PRAMEF12: variants seen among roughly 807,000 people sequenced by gnomAD.
PRAMEF12 encodes PRAME family member 12.
Under a neutral mutation model 24.6 loss-of-function variants are expected in PRAMEF12, and 24 were observed. The observed-to-expected ratio is 0.98, with a 90% confidence interval of 0.71 to 1.37. The LOEUF (loss-of-function observed/expected upper bound fraction) is 1.37. PRAMEF12 is among the 40% of genes most tolerant of loss of function. PRAMEF12 has a pLI of 0.00. For missense variants in PRAMEF12, 646 were observed against 580.3 expected (o/e 1.11, Z -1.16); for synonymous variants, 286 against 242.6 (o/e 1.18, Z -1.66).
At chr1:12,776,255 G>T in intron 2 of PRAMEF12, 137 bp downstream of exon 2, 1 of 913,668 alleles carries the variant, frequency 1.1e-6, no homozygotes. Flanking sequence ...TCCATGCATT[G>T]TCCTGTTGGC....
In PRAMEF12 at chr1:12,774,919, C is replaced by T. The variant is rs773481201; in HGVS notation, c.52C>T (p.Leu18=). 6.2e-7 allele frequency: 1 copy of T among 1,613,948 alleles called. No homozygotes were observed. The highest frequency in any genetic ancestry group is 1.7e-5 in the Admixed American group (1 of 60,020). The change falls in exon 1 of 3, where the codon CTG becomes TTG. Residue 18 remains leucine (L), a synonymous_variant. Transcript: ENST00000357726. ...RLLELAEQSL[L]RDRALAIPTL... is the part of the protein sequence containing the mutation. The stretch of plus-strand genomic sequence containing the variant: ...CCTGGAGCTGGCTGAGCAGAGTCTG[C>T]TGAGAGACCGGGCCTTGGCCATCCC...
chr1:12,777,670 C>A lies in PRAMEF12; in HGVS notation c.*71C>A, dbSNP rs61617625. ...TATGTCAAAGGGAGCACAGACCCAT[C>A]GTTTCATATGCCTGCTCAATGTGAA... On this transcript the variant is annotated 3_prime_UTR_variant, in exon 3 of 3. Coordinates refer to ENST00000357726, the MANE Select transcript of PRAMEF12 (RefSeq NM_001080830.5). The A allele has an allele frequency of 6.5e-6, 10 of 1,533,616 alleles. No homozygotes were observed. In the African/African-American group the frequency reaches 9.6e-5, roughly 15 times the overall value.
Position 12,774,917 on chromosome 1 carries a change from T to C in PRAMEF12, c.50T>C (p.Leu17Pro), listed in dbSNP as rs748229744. The C allele has an allele frequency of 3.7e-6, 6 of 1,613,834 alleles. No individual in the cohort carries two copies. The highest frequency in any genetic ancestry group is 3.3e-5 in the Admixed American group (2 of 59,988). The change falls in exon 1 of 3, where the codon CTG (leucine) becomes CCG (proline). Residue 17 changes from leucine to proline, a missense_variant. Transcript: ENST00000357726. ...PRLLELAEQS[L>P]LRDRALAIPT... ...CTCCTGGAGCTGGCTGAGCAGAGTC[T>C]GCTGAGAGACCGGGCCTTGGCCATC... is the stretch of plus-strand genomic sequence containing the variant.
At position 12,775,086 on chromosome 1, in the gene PRAMEF12, T is replaced by C; in HGVS notation, c.219T>C (p.Cys73=). ...CLPLGSLMKS[C]NLEIFRAVLE... ...CTCTAGGGTCCCTGATGAAGTCATGTAATCTAGAGATCTTTCGAGCTGTGC... is the reference window on the plus strand; with the variant it reads ...CTCTAGGGTCCCTGATGAAGTCATGCAATCTAGAGATCTTTCGAGCTGTGC... Residue 73 remains cysteine (C), a synonymous_variant, in exon 1 of 3, where the codon TGT becomes TGC. Coordinates refer to ENST00000357726, the MANE Select transcript of PRAMEF12 (RefSeq NM_001080830.5). The C allele has an allele frequency of 1.9e-6, 3 of 1,614,190 alleles. No homozygotes were observed. The highest frequency in any genetic ancestry group is 2.5e-6 in the Non-Finnish European group (3 of 1,180,002).
In PRAMEF12 at chr1:12,775,565, G is replaced by A; in HGVS notation, c.310G>A (p.Asp104Asn). Residue 104 changes from aspartate to asparagine, a missense_variant, in exon 2 of 3, where the codon GAC (aspartate) becomes AAC (asparagine). Coordinates refer to ENST00000357726, the MANE Select transcript of PRAMEF12 (RefSeq NM_001080830.5). ...RPRRWKLQVL[D>N]LRNVDENFWG... Reference sequence around the variant, plus strand: ...CAGGCGGTGGAAACTTCAAGTGTTGGACTTGCGGAATGTGGATGAGAACTT... The same window carrying A: ...CAGGCGGTGGAAACTTCAAGTGTTGAACTTGCGGAATGTGGATGAGAACTT... 21 of 1,611,930 alleles carry A rather than the reference G, an allele frequency of 1.3e-5. No homozygotes were observed. The highest frequency in any genetic ancestry group is 1.8e-5 in the Non-Finnish European group (21 of 1,178,554).
In PRAMEF12 at chr1:12,777,399, T is replaced by G; in HGVS notation, c.1252T>G (p.Tyr418Asp). 1 of 1,613,880 alleles carries G rather than the reference T, an allele frequency of 6.2e-7. No individual in the cohort carries two copies. Among genetic ancestry groups the G allele is most frequent in the Non-Finnish European group, 8.5e-7 (1 of 1,179,866 alleles). Reference sequence around the variant, plus strand: ...GCTGTATCCTGCCCCTCTGGAGAGTTATGATGCCCAGGGTGCTCTCTGCTG... The same window carrying G: ...GCTGTATCCTGCCCCTCTGGAGAGTGATGATGCCCAGGGTGCTCTCTGCTG... ...LELYPAPLES[Y>D]DAQGALCWGR... Residue 418 changes from tyrosine (Y) to aspartate (D), a missense_variant, in exon 3 of 3, where the codon TAT (tyrosine) becomes GAT (aspartate). Coordinates refer to ENST00000357726, the MANE Select transcript of PRAMEF12 (RefSeq NM_001080830.5).
rs374626687 is a variant in PRAMEF12, at chr1:12,775,914, T to G, written c.659T>G (p.Ile220Arg). ...VCCPWELSILIRFAPYLGQMR... is the reference protein window; with the variant it reads ...VCCPWELSILRRFAPYLGQMR... ...TGCCCGTGGGAGCTGTCCATTCTTA[T>G]AAGGTTCGCCCCTTACCTGGGCCAG... The change falls in exon 2 of 3, where the codon ATA becomes AGA. Residue 220 changes from isoleucine (I) to arginine (R), a missense_variant. Transcript: ENST00000357726. 1 of 1,614,018 alleles carries G rather than the reference T, an allele frequency of 6.2e-7. No individual in the cohort carries two copies. The highest frequency in any genetic ancestry group is 1.3e-5 in the African/African-American group (1 of 74,896).
At chr1:12,775,507 C>G (rs1329621050) in intron 1 of PRAMEF12, 36 bp from the exon 2 acceptor site, 1 of 1,554,942 alleles carries the variant, frequency 6.4e-7, no homozygotes, top group Non-Finnish European at 8.7e-7. Context: ...TCAAATCCTT[C>G]CTAAATTTGG....
Sources: allele counts gnomAD v4.1 joint callset, GRCh38; gene constraint gnomAD v4.1.1; transcripts MANE v1.5; gene names NCBI Gene and HGNC (gene_info 2026-07-23, HGNC 2026-07-21).